SDK1: variants seen among roughly 807,000 people sequenced by gnomAD.
The protein encoded by SDK1 is sidekick cell adhesion molecule 1.
Under a neutral mutation model 245.5 loss-of-function variants are expected in SDK1, and 157 were observed. The ratio of observed to expected loss-of-function variants is 0.64; its 90% CI spans 0.56 to 0.73. SDK1 has a LOEUF of 0.73. Among genes scored for constraint, SDK1 ranks in the 30% least tolerant of loss-of-function variants. The pLI, the probability that SDK1 is intolerant of heterozygous loss-of-function variation, is 0.00. For synonymous variants in SDK1, 1,647 were observed against 1,278.5 expected (o/e 1.29, Z -6.15); for missense variants, 3,583 against 3,002.3 (o/e 1.19, Z -4.52).
At chr7:3,684,467 C>T (rs1432097084) in intron 4 of SDK1, among the ~76,000 whole-genome samples, 2 of 152,204 alleles carry the variant, frequency 1.3e-5, no homozygotes, top group South Asian at 2.1e-4. Flanking sequence ...CAGCATAAAG[C>T]TGAACACACA....
chr7:4,208,506 G>C (rs1784357400), intron 37 of SDK1, among the ~76,000 whole-genome samples: 4 of 152,234 alleles, frequency 2.6e-5, no homozygotes. Context: ...ATAAATGTTA[G>C]GTGGGTTGGA....
intron 4 of SDK1, among the ~76,000 whole-genome samples, chr7:3,779,862 G>A (rs1483724833): frequency 6.6e-6 from 1 of 151,136 alleles, no homozygotes; most frequent in African/African-American, 2.4e-5. Flanking sequence ...AACCCGGGAA[G>A]CGGAGCTTGC....
chr7:4,056,815 CCAGACCATTCCGCCCCGGGTCCCGA>C, intron 19 of SDK1, among the ~76,000 whole-genome samples: 2 of 152,210 alleles, frequency 1.3e-5, no homozygotes, highest in Admixed American at 1.3e-4. Context: ...GTGGGTCCCA[CCAGACCATTCCGCCCCGGGTCCCGA>C]CAGACCATTC....
rs551660739 is a variant in SDK1 at position 3,854,303 on chromosome 7, C to G, written c.847+32720C>G. On this transcript the variant is annotated intron_variant, in intron 5 of 44. Coordinates refer to ENST00000404826, the MANE Select transcript of SDK1 (RefSeq NM_152744.4). ...GAGAAGACTACCTAAGCTCTGCAGA[C>G]CTTAGATGCCTTATCTGAAAATATA... Among the ~76,000 whole-genome samples the G allele has an allele frequency of 2.0e-5, 3 of 152,284 alleles. No homozygotes were observed. In the South Asian group the frequency reaches 6.2e-4, roughly 32 times the overall value.
intron 28 of SDK1, chr7:4,134,933 C>A (rs1418447714): frequency 6.6e-6 from 1 of 152,422 alleles, no homozygotes; most frequent in Non-Finnish European, 1.5e-5. Context: ...GGCTCTAGGC[C>A]CCGCCCTCTG....
chr7:4,047,487 G>T (rs553446966), intron 17 of SDK1, among the ~76,000 whole-genome samples: 1 of 152,282 alleles, frequency 6.6e-6, no homozygotes, highest in Non-Finnish European at 1.5e-5. Context: ...TTTGGTATCA[G>T]GGTAATGCTT....
chr7:3,527,350 C>T (rs2272526), intron 1 of SDK1, among the ~76,000 whole-genome samples: 7 of 151,796 alleles, frequency 4.6e-5, no homozygotes, highest in African/African-American at 7.3e-5. Context: ...ACACGAAGCG[C>T]GATGTGAACG....
At chr7:3,741,053 G>T (rs1347530396) in intron 4 of SDK1, among the ~76,000 whole-genome samples, 1 of 152,178 alleles carries the variant, frequency 6.6e-6, no homozygotes, top group African/African-American at 2.4e-5. Context: ...GAGCCTCATG[G>T]AATGTGGTGT....
At chr7:3,583,273 C>A (rs1008249445) in intron 1 of SDK1, among the ~76,000 whole-genome samples, 1 of 152,292 alleles carries the variant, frequency 6.6e-6, no homozygotes. Context: ...TCCATCTTTC[C>A]GGGAGTAAAC....
chr7:3,640,839 A>G (rs963826897), intron 3 of SDK1, among the ~76,000 whole-genome samples: 1 of 151,944 alleles, frequency 6.6e-6, no homozygotes, highest in Non-Finnish European at 1.5e-5. Flanking sequence ...ACCCACCACC[A>G]CACCCAGCTA....
At chr7:3,619,414 A>T (rs1171082643) in intron 2 of SDK1, among the ~76,000 whole-genome samples, 175 bp downstream of exon 2, 3 of 152,254 alleles carry the variant, frequency 2.0e-5, no homozygotes, top group Admixed American at 1.3e-4. Flanking sequence ...ATTCTGATAT[A>T]GGTTGTACTT....
rs377231242 is a variant in SDK1, at chr7:4,130,114, C to T, written c.4129+17C>T. 2.9e-5 allele frequency: 46 copies of T among 1,561,942 alleles called. No individual in the cohort carries two copies. Among genetic ancestry groups the T allele is most frequent in the East Asian group, 1.4e-4 (6 of 43,132 alleles). On this transcript the variant is annotated intron_variant, in intron 27 of 44. Transcript: ENST00000404826. ...AAGACGATGGTAGGTCCAGGGTTCGCGCCTTCGGGAGCCTTGCTGCCTCCC... is the reference window on the plus strand; with the variant it reads ...AAGACGATGGTAGGTCCAGGGTTCGTGCCTTCGGGAGCCTTGCTGCCTCCC...
intron 1 of SDK1, among the ~76,000 whole-genome samples, chr7:3,342,552 C>G (rs1232419985): frequency 6.6e-6 from 1 of 151,800 alleles, no homozygotes; most frequent in Non-Finnish European, 1.5e-5. Flanking sequence ...CGCATCGTTG[C>G]ACTCCAGCCT....
At chr7:4,111,470 G>A (rs2128190708) in intron 23 of SDK1, among the ~76,000 whole-genome samples, 1 of 152,120 alleles carries the variant, frequency 6.6e-6, no homozygotes, top group African/African-American at 2.4e-5. Context: ...GGACTAAAAG[G>A]TGAAATTACA....
At chr7:3,909,658 G>A (rs1232081895) in intron 5 of SDK1, among the ~76,000 whole-genome samples, 1 of 152,206 alleles carries the variant, frequency 6.6e-6, no homozygotes, top group African/African-American at 2.4e-5. Flanking sequence ...GTATGAGGCT[G>A]TATTATGTCT....
chr7:3,968,955 C>T (rs551307473), intron 10 of SDK1, among the ~76,000 whole-genome samples: 6 of 152,286 alleles, frequency 3.9e-5, no homozygotes, highest in Non-Finnish European at 7.3e-5. Context: ...GAAGAGGAAG[C>T]AGGCGCATCT....
chr7:3,745,470 A>G (rs992939620), intron 4 of SDK1, among the ~76,000 whole-genome samples: 18 of 152,226 alleles, frequency 1.2e-4, no homozygotes, highest in African/African-American at 4.3e-4. Flanking sequence ...TGACATTTAT[A>G]TAATACTGTT....
intron 5 of SDK1, among the ~76,000 whole-genome samples, chr7:3,928,559 G>C (rs1483265146): frequency 6.6e-6 from 1 of 151,900 alleles, no homozygotes; most frequent in East Asian, 1.9e-4. Flanking sequence ...GAAACAGAAG[G>C]CTTTTTTGGT....
In SDK1 at chr7:3,964,351, C is replaced by G. The variant is rs529256871; in HGVS notation, c.1429+1500C>G. 2.0e-5 allele frequency among the ~76,000 whole-genome samples: 3 copies of G among 152,264 alleles called. No homozygotes were observed. The East Asian group carries it at 5.8e-4, about 29-fold the overall frequency. The stretch of plus-strand genomic sequence containing the variant: ...TAGCGTTGCCTCTTCCCGCACTAAG[C>G]CCTCCTCTTTCTTGAGGAGAAGTAG... On this transcript the variant is annotated intron_variant, in intron 9 of 44. Coordinates refer to ENST00000404826, the MANE Select transcript of SDK1 (RefSeq NM_152744.4).
Sources: gnomAD v4.1 joint callset for allele counts (sites outside exome capture counted in the v4.1 genomes callset) on GRCh38, gnomAD v4.1.1 for gene constraint, MANE v1.5 for transcripts, NCBI Gene and HGNC (gene_info 2026-07-23, HGNC 2026-07-21) for gene names.